B4GALT1: variants seen among roughly 807,000 people sequenced by gnomAD.
B4GALT1 encodes the protein beta-1,4-galactosyltransferase 1.
B4GALT1 carries 16 observed loss-of-function variants against 34.9 expected under a neutral mutation model. The observed-to-expected ratio is 0.46, with a 90% CI of 0.31 to 0.70. The LOEUF (loss-of-function observed/expected upper bound fraction) is 0.70, where lower values mean the gene tolerates loss of function less well. Ranked by LOEUF, B4GALT1 falls within the 30% of genes least tolerant of loss-of-function variation. B4GALT1 has a pLI of 0.05. For synonymous variants in B4GALT1, 221 were observed against 218.1 expected (o/e 1.01, Z -0.12); for missense variants, 445 against 530.5 (o/e 0.84, Z 1.58).
chr9:33,173,957 G>A, the B4GALT1 span, among the ~76,000 whole-genome samples: 1 of 152,152 alleles, frequency 6.6e-6, no homozygotes, highest in Non-Finnish European at 1.5e-5. Flanking sequence ...AATAAACTAT[G>A]AGTCCATAAT....
intron 1 of B4GALT1, among the ~76,000 whole-genome samples, chr9:33,151,572 T>G (rs1446765514): frequency 6.6e-6 from 1 of 152,200 alleles, no homozygotes; most frequent in Non-Finnish European, 1.5e-5. Context: ...GTGGGGATAA[T>G]TATGCCTTCC....
upstream of B4GALT1, among the ~76,000 whole-genome samples, chr9:33,168,730 T>G (rs1056139131): frequency 2.0e-5 from 3 of 152,250 alleles, no homozygotes; most frequent in Non-Finnish European, 2.9e-5. Context: ...CTTTTGTGTC[T>G]ACACTTACTG....
In B4GALT1 at chr9:33,113,420, C is replaced by A. The variant is rs1323938144; in HGVS notation, c.*34G>T. On this transcript the variant is annotated 3_prime_UTR_variant, in exon 6 of 6. Transcript: ENST00000379731. ...AGAGACACACAGCAGAGGTCCCTGG[C>A]TAATTTCAGGTCTCTTATCCGTGTA... is the stretch of plus-strand genomic sequence containing the variant. 1 of 1,614,002 alleles carries A rather than the reference C, an allele frequency of 6.2e-7. No individual in the cohort carries two copies. The highest frequency in any genetic ancestry group is 1.1e-5 in the South Asian group (1 of 91,068).
the B4GALT1 span, among the ~76,000 whole-genome samples, chr9:33,177,904 A>G: frequency 6.6e-6 from 1 of 151,978 alleles, no homozygotes; most frequent in Middle Eastern, 3.4e-3. Flanking sequence ...GTGGGCCCCC[A>G]CAGAGTTGCT....
intron 1 of B4GALT1, among the ~76,000 whole-genome samples, chr9:33,156,704 A>G (rs1016104140): frequency 1.3e-5 from 2 of 152,230 alleles, no homozygotes; most frequent in African/African-American, 2.4e-5. Context: ...GTTCATCCAC[A>G]TGAGTTAAAT....
chr9:33,105,883 T>TTG (rs1839792655), downstream of B4GALT1, among the ~76,000 whole-genome samples: 1 of 75,376 alleles, frequency 1.3e-5, no homozygotes, highest in African/African-American at 5.0e-5. Flanking sequence ...CTCGTGGGTT[T>TTG]TTTTTTTTTT....
the B4GALT1 span, chr9:33,174,142 A>G: frequency 8.8e-5 from 1 of 11,338 alleles, no homozygotes; most frequent in Non-Finnish European, 2.7e-4. Flanking sequence ...TCTCATCACA[A>G]TTGAAGGAAA....
At position 33,166,918 on chromosome 9, in the gene B4GALT1, C is replaced by T. The variant is rs748705430; in HGVS notation, c.252G>A (p.Pro84=). The T allele has an allele frequency of 5.7e-6, 9 of 1,571,976 alleles. No homozygotes were observed. Among genetic ancestry groups the T allele is most frequent in the Admixed American group, 1.8e-5 (1 of 54,434 alleles). Residue 84 remains proline, a synonymous_variant, in exon 1 of 6, where the codon CCG becomes CCA. Transcript: ENST00000379731. ...GGGAGGAGGCGCCTAGAGGAGGCGG[C>T]GGCCGGGCCCCTCCGGTCCGGAGCT... The part of the protein sequence containing the change: ...SGELRTGGAR[P]PPPLGASSQP...
chr9:33,129,433 C>T (rs192107946), intron 2 of B4GALT1, among the ~76,000 whole-genome samples: 1 of 152,290 alleles, frequency 6.6e-6, no homozygotes, highest in East Asian at 1.9e-4. Context: ...AGGGTCAGGA[C>T]CTGGCCCCAC....
intron 1 of B4GALT1, among the ~76,000 whole-genome samples, chr9:33,163,866 A>G (rs1840710293): frequency 6.6e-6 from 1 of 152,224 alleles, no homozygotes; most frequent in Non-Finnish European, 1.5e-5. Context: ...AGAAAGCTGT[A>G]GAATCCTCAG....
chr9:33,155,935 CT>C (rs1175686980), intron 1 of B4GALT1, among the ~76,000 whole-genome samples: 2 of 152,080 alleles, frequency 1.3e-5, no homozygotes. Context: ...AAATCTTGCC[CT>C]AGGTCTCTAG....
intron 1 of B4GALT1, among the ~76,000 whole-genome samples, chr9:33,152,399 T>C (rs1167044339): frequency 6.7e-6 from 1 of 149,412 alleles, no homozygotes; most frequent in Non-Finnish European, 1.5e-5. Context: ...AAACCAGAGA[T>C]AAAGAAGAGT....
At chr9:33,107,356 C>A (rs1039495873), downstream of B4GALT1, among the ~76,000 whole-genome samples, 4 of 152,158 alleles carry the variant, frequency 2.6e-5, 1 homozygote, top group East Asian at 7.7e-4. Flanking sequence ...AGGGAAGGAG[C>A]CTGGATATGT....
At chr9:33,175,834 C>T in the B4GALT1 span, among the ~76,000 whole-genome samples, 7 of 152,170 alleles carry the variant, frequency 4.6e-5, no homozygotes, top group Admixed American at 1.3e-4. Context: ...ACAAAATTGA[C>T]TATCGACACA....
intron 3 of B4GALT1, among the ~76,000 whole-genome samples, chr9:33,118,151 G>A (rs935499359): frequency 6.6e-6 from 1 of 152,198 alleles, no homozygotes; most frequent in African/African-American, 2.4e-5. Flanking sequence ...CGGAGAGGGA[G>A]GAAGGGTGAA....
intron 1 of B4GALT1, among the ~76,000 whole-genome samples, chr9:33,157,616 A>T (rs1447185406): frequency 1.3e-5 from 2 of 152,238 alleles, no homozygotes; most frequent in East Asian, 3.8e-4. Flanking sequence ...ATGCATTTGA[A>T]AAGTAATAGC....
At position 33,111,647 on chromosome 9, in the gene B4GALT1, C is replaced by T. The variant is rs1050201011; in HGVS notation, c.*1807G>A. 19 of 152,718 alleles carry T rather than the reference C, an allele frequency of 1.2e-4. No homozygotes were observed. Among genetic ancestry groups the T allele is most frequent in the African/African-American group, 3.6e-4 (15 of 41,472 alleles). The allele number at this position is 152,718 out of a possible 1,614,324, so 9.5% of individuals were successfully genotyped here. A position where few individuals can be genotyped will look rare whatever the true frequency, so the allele number is the denominator to read the frequency against. ...GGGCCAGGCACCAGCTCAGCCTCCA[C>T]ACTGAGGGCTGGTACCCAGGAGGGC... On this transcript the variant is annotated 3_prime_UTR_variant, in exon 6 of 6. Transcript: ENST00000379731.
chr9:33,158,228 G>A (rs1346069081), intron 1 of B4GALT1, among the ~76,000 whole-genome samples: 1 of 152,146 alleles, frequency 6.6e-6, no homozygotes, highest in Non-Finnish European at 1.5e-5. Context: ...GAGACCAAAG[G>A]AGTTAGGACT....
chr9:33,143,721 C>T (rs1840385536), intron 1 of B4GALT1, among the ~76,000 whole-genome samples: 1 of 152,192 alleles, frequency 6.6e-6, no homozygotes, highest in African/African-American at 2.4e-5. Flanking sequence ...CCACTTCCCT[C>T]CCACCCTCAT....
Sources: gnomAD v4.1 joint callset for allele counts (sites outside exome capture counted in the v4.1 genomes callset) on GRCh38, gnomAD v4.1.1 for gene constraint, MANE v1.5 for transcripts, NCBI Gene and HGNC (gene_info 2026-07-23, HGNC 2026-07-21) for gene names.